B4GALT1: variants seen among roughly 807,000 people sequenced by gnomAD.
The protein encoded by B4GALT1 is N-acetyllactosamine synthase.
In B4GALT1, 16 loss-of-function variants were observed where a neutral mutation model predicts 34.9. The observed-to-expected ratio is 0.46, with a 90% CI of 0.31 to 0.70. B4GALT1 has a LOEUF of 0.70. B4GALT1 is among the 30% of genes least tolerant of loss of function. The probability of loss-of-function intolerance (pLI) is 0.05; values close to 1 mark genes in which losing one functional copy is unlikely to be tolerated. For synonymous variants in B4GALT1, 221 were observed against 218.1 expected, an observed-to-expected ratio of 1.01 and a Z score of -0.12; for missense variants, 445 against 530.5, an observed-to-expected ratio of 0.84 and a Z score of 1.58.
At chr9:33,170,969 C>A (rs1054267777), upstream of B4GALT1, among the ~76,000 whole-genome samples, 6 of 152,238 alleles carry the variant, frequency 3.9e-5, no homozygotes, top group African/African-American at 1.2e-4. Context: ...CTCATCTGCC[C>A]AGAATCACCA....
downstream of B4GALT1, among the ~76,000 whole-genome samples, chr9:33,106,269 G>A (rs77213180): frequency 6.6e-6 from 1 of 152,136 alleles, no homozygotes; most frequent in Admixed American, 6.5e-5. Context: ...GCCTTCTTAA[G>A]GTCAGGAAAT....
intron 2 of B4GALT1, among the ~76,000 whole-genome samples, chr9:33,130,762 C>T (rs1475010475): frequency 6.6e-6 from 1 of 151,904 alleles, no homozygotes; most frequent in Non-Finnish European, 1.5e-5. Flanking sequence ...GCTCACTCCA[C>T]TATCCATTAC....
chr9:33,124,401 T>G (rs1840064732), intron 2 of B4GALT1, among the ~76,000 whole-genome samples: 1 of 152,260 alleles, frequency 6.6e-6, no homozygotes. Flanking sequence ...TTATTAGCTA[T>G]GTGACTTGGG....
At chr9:33,138,079 G>T (rs186929959) in intron 1 of B4GALT1, among the ~76,000 whole-genome samples, 1 of 152,224 alleles carries the variant, frequency 6.6e-6, no homozygotes. Flanking sequence ...CGACTTGCTC[G>T]TACCTTCTGA....
the B4GALT1 span, among the ~76,000 whole-genome samples, chr9:33,183,352 C>T: frequency 1.3e-5 from 2 of 150,330 alleles, no homozygotes; most frequent in South Asian, 2.1e-4. Flanking sequence ...TATTGCGGCA[C>T]TATTCACAAT....
At chr9:33,184,530 C>T in the B4GALT1 span, among the ~76,000 whole-genome samples, 1 of 152,168 alleles carries the variant, frequency 6.6e-6, no homozygotes, top group South Asian at 2.1e-4. Context: ...CAGTCCCTGC[C>T]CTCAGAATTT....
At chr9:33,138,596 A>T (rs1840304234) in intron 1 of B4GALT1, among the ~76,000 whole-genome samples, 1 of 152,088 alleles carries the variant, frequency 6.6e-6, no homozygotes, top group Non-Finnish European at 1.5e-5. Context: ...TCAAATTCCT[A>T]GGCTTTCTCA....
chr9:33,166,521 T>G (rs1812714830), intron 1 of B4GALT1, among the ~76,000 whole-genome samples: 1 of 152,190 alleles, frequency 6.6e-6, no homozygotes, highest in South Asian at 2.1e-4. Flanking sequence ...TAGAGGGGCC[T>G]CGGGACTTCC....
intron 1 of B4GALT1, among the ~76,000 whole-genome samples, chr9:33,150,285 G>A (rs1374075058): frequency 1.3e-5 from 2 of 150,594 alleles, no homozygotes; most frequent in Admixed American, 1.3e-4. Flanking sequence ...GAGAGAGAGA[G>A]AGAGAAGGAA....
rs575930942 is a variant in B4GALT1 at position 33,166,697 on chromosome 9, C to T, written c.412+61G>A. ...CCAGCCTGAGGGAATGTCTGGGGGA[C>T]CCTGTCGGGGAAATCCGGGGGGGTC... On this transcript the variant is annotated intron_variant, in intron 1 of 5. Coordinates refer to ENST00000379731, the MANE Select transcript of B4GALT1 (RefSeq NM_001497.4). The T allele has an allele frequency of 5.5e-6, 8 of 1,451,658 alleles. No individual in the cohort carries two copies. The Admixed American group carries it at 7.9e-5, about 14-fold the overall frequency. The allele number at this position is 1,451,658 out of a possible 1,614,324, so 89.9% of individuals were successfully genotyped here. A position where few individuals can be genotyped will look rare whatever the true frequency, so the allele number is the denominator to read the frequency against.
At chr9:33,158,816 G>A (rs1362057911) in intron 1 of B4GALT1, among the ~76,000 whole-genome samples, 1 of 152,174 alleles carries the variant, frequency 6.6e-6, no homozygotes. Flanking sequence ...CTAAGGGACT[G>A]CCCAAGAGTG....
At chr9:33,153,380 A>G (rs989834450) in intron 1 of B4GALT1, among the ~76,000 whole-genome samples, 2 of 152,210 alleles carry the variant, frequency 1.3e-5, no homozygotes, top group African/African-American at 4.8e-5. Flanking sequence ...TAAAGATTAG[A>G]GAAGTTAATG....
At chr9:33,134,522 A>C (rs1280119307) in intron 2 of B4GALT1, among the ~76,000 whole-genome samples, 3 of 152,264 alleles carry the variant, frequency 2.0e-5, no homozygotes, top group Non-Finnish European at 4.4e-5. Flanking sequence ...GATGCCTCTT[A>C]GATCAATCTG....
rs1840114982 is a variant in B4GALT1 at position 33,126,734 on chromosome 9, G to C, written c.649-6128C>G. ...ACTCTTCACCCCAGTGAGTGAGAGAGATGGGCCTTCAAGGGTTAGGGACCA... is the reference window on the plus strand; with the variant it reads ...ACTCTTCACCCCAGTGAGTGAGAGACATGGGCCTTCAAGGGTTAGGGACCA... On this transcript the variant is annotated intron_variant, in intron 2 of 5. Coordinates refer to ENST00000379731, the MANE Select transcript of B4GALT1 (RefSeq NM_001497.4). 9.1e-5 allele frequency among the ~76,000 whole-genome samples: 7 copies of C among 76,706 alleles called. No homozygotes were observed. The Admixed American group carries it at 1.0e-3, about 11-fold the overall frequency. 50.3% of individuals were successfully genotyped at this position (76,706 alleles called of 152,430 possible).
downstream of B4GALT1, among the ~76,000 whole-genome samples, chr9:33,107,787 G>T (rs1166277330): frequency 6.6e-6 from 1 of 152,016 alleles, no homozygotes; most frequent in Non-Finnish European, 1.5e-5. Context: ...TGGAGCCCAT[G>T]GGGAGGGGGT....
At chr9:33,152,408 G>C (rs1207506379) in intron 1 of B4GALT1, among the ~76,000 whole-genome samples, 1 of 151,698 alleles carries the variant, frequency 6.6e-6, no homozygotes, top group Non-Finnish European at 1.5e-5. Context: ...ATAAAGAAGA[G>C]TGACAGATGG....
chr9:33,179,982 C>T, the B4GALT1 span: 1 of 152,138 alleles, frequency 6.6e-6, no homozygotes, highest in African/African-American at 2.4e-5. Context: ...AATCCTTTTC[C>T]ACGTGATGGT....
chr9:33,161,779 G>A (rs1427630618), intron 1 of B4GALT1, among the ~76,000 whole-genome samples: 1 of 152,238 alleles, frequency 6.6e-6, no homozygotes, highest in Non-Finnish European at 1.5e-5. Flanking sequence ...GTAGATGTGG[G>A]TTCAAGCAGA....
chr9:33,133,840 C>T (rs1403875356), intron 2 of B4GALT1, among the ~76,000 whole-genome samples: 2 of 152,162 alleles, frequency 1.3e-5, no homozygotes, highest in African/African-American at 4.8e-5. Flanking sequence ...GCTTTCCTAC[C>T]CCAGTGGGCA....
Sources: allele counts gnomAD v4.1 joint callset (sites outside exome capture counted in the v4.1 genomes callset), GRCh38; gene constraint gnomAD v4.1.1; transcripts MANE v1.5; gene names NCBI Gene and HGNC (gene_info 2026-07-23, HGNC 2026-07-21).